CCNY: variants seen among roughly 807,000 people sequenced by gnomAD.
CCNY encodes the protein cyclin Y.
In CCNY, 19 loss-of-function variants were observed where a neutral mutation model predicts 42.8. The ratio of observed to expected loss-of-function variants is 0.44; its 90% CI spans 0.31 to 0.65. CCNY has a LOEUF of 0.65. Ranked by LOEUF, CCNY falls within the 30% of genes least tolerant of loss-of-function variation. CCNY has a pLI of 0.07. For missense variants in CCNY, 370 were observed against 437.3 expected, an observed-to-expected ratio of 0.85 and a Z score of 1.37; for synonymous variants, 165 against 162.7, an observed-to-expected ratio of 1.01 and a Z score of -0.11.
intron 1 of CCNY, among the ~76,000 whole-genome samples, chr10:35,370,056 C>A (rs944091342): frequency 6.6e-6 from 1 of 152,168 alleles, no homozygotes; most frequent in Admixed American, 6.5e-5. Context: ...TTCACAGTAA[C>A]CCCAGAGTTT....
intron 3 of CCNY, among the ~76,000 whole-genome samples, chr10:35,330,381 G>T (rs762879707): frequency 5.3e-5 from 8 of 152,160 alleles, no homozygotes; most frequent in Non-Finnish European, 1.2e-4. Flanking sequence ...GCTGCCTACT[G>T]TATCATTCCA....
intron 1 of CCNY, among the ~76,000 whole-genome samples, chr10:35,434,744 A>G (rs961396487): frequency 7.9e-5 from 12 of 152,126 alleles, no homozygotes; most frequent in Admixed American, 4.6e-4. Flanking sequence ...TGTTCATATC[A>G]CAGTTCTGAG....
At position 35,569,242 on chromosome 10, in the gene CCNY, T is replaced by A. The variant is rs1277585522; in HGVS notation, c.*72T>A. ...AGTTTGAGAAAAGACAGACTTGGGG[T>A]GGGTTTGTTTTTGTTTTTTCTTTCC... On this transcript the variant is annotated 3_prime_UTR_variant, in exon 10 of 10. Transcript: ENST00000374704. 8.2e-6 allele frequency: 8 copies of A among 979,698 alleles called. No homozygotes were observed. The highest frequency in any genetic ancestry group is 1.1e-5 in the Non-Finnish European group (7 of 621,344). 60.7% of individuals were successfully genotyped at this position (979,698 alleles called of 1,614,324 possible). A position where few individuals can be genotyped will look rare whatever the true frequency, so the allele number is the denominator to read the frequency against.
chr10:35,421,405 C>T lies in CCNY; in HGVS notation c.155-61999C>T, dbSNP rs182236953. Among the ~76,000 whole-genome samples the T allele has an allele frequency of 4.6e-5, 7 of 152,292 alleles. No homozygotes were observed. The South Asian group carries it at 6.2e-4, about 14-fold the overall frequency. Reference sequence around the variant, plus strand: ...TCCAGTCTCCTGATGGTCAGCTTGACGCGGGTTCACTGGATCAGTGCCTTC... The same window carrying T: ...TCCAGTCTCCTGATGGTCAGCTTGATGCGGGTTCACTGGATCAGTGCCTTC... On this transcript the variant is annotated intron_variant, in intron 1 of 9. Coordinates refer to ENST00000374704, the MANE Select transcript of CCNY (RefSeq NM_145012.6).
chr10:35,463,006 G>A (rs895146851), intron 1 of CCNY, among the ~76,000 whole-genome samples: 1 of 152,250 alleles, frequency 6.6e-6, no homozygotes, highest in African/African-American at 2.4e-5. Flanking sequence ...GGTAAATGGA[G>A]GTTCTGTACA....
In CCNY at chr10:35,569,877, C is replaced by T. The variant is rs1841651866; in HGVS notation, c.*707C>T. 6.5e-6 allele frequency: 1 copy of T among 152,766 alleles called. No homozygotes were observed. Among genetic ancestry groups the T allele is most frequent in the Non-Finnish European group, 1.5e-5 (1 of 68,084 alleles). The allele number at this position is 152,766 out of a possible 1,614,324, so 9.5% of individuals were successfully genotyped here. ...CTGTAGTGCTGAACCAAAAGTATCC[C>T]TTTCCCTCCTTATTCCTCACCCCAA... On this transcript the variant is annotated 3_prime_UTR_variant, in exon 10 of 10. Coordinates refer to ENST00000374704, the MANE Select transcript of CCNY (RefSeq NM_145012.6).
chr10:35,488,480 G>A (rs911324939), intron 2 of CCNY, among the ~76,000 whole-genome samples: 4 of 152,126 alleles, frequency 2.6e-5, no homozygotes, highest in East Asian at 1.9e-4. Context: ...TGGCTCGTTC[G>A]TGTGTGCAGG....
chr10:35,487,431 G>A (rs527273859), intron 2 of CCNY, among the ~76,000 whole-genome samples: 18 of 152,220 alleles, frequency 1.2e-4, no homozygotes, highest in Middle Eastern at 6.8e-3. Flanking sequence ...TGACAGCTCC[G>A]TGTTTCTGCA....
intron 1 of CCNY, among the ~76,000 whole-genome samples, chr10:35,344,967 G>A (rs1413101040): frequency 6.6e-6 from 1 of 152,220 alleles, no homozygotes; most frequent in African/African-American, 2.4e-5. Flanking sequence ...TCTTAATGCA[G>A]TCTATCATTG....
chr10:35,381,008 G>A (rs1837171770), intron 1 of CCNY, among the ~76,000 whole-genome samples: 1 of 152,208 alleles, frequency 6.6e-6, no homozygotes, highest in Admixed American at 6.5e-5. Context: ...TCCCAAGGCT[G>A]GGGTGGTGGG....
At chr10:35,465,666 A>T (rs998469731) in intron 1 of CCNY, among the ~76,000 whole-genome samples, 7 of 152,082 alleles carry the variant, frequency 4.6e-5, no homozygotes, top group African/African-American at 1.7e-4. Flanking sequence ...GCAGTTCCCT[A>T]ATAAGCTTTT....
intron 1 of CCNY, among the ~76,000 whole-genome samples, chr10:35,435,704 G>A (rs529234569): frequency 6.6e-6 from 1 of 152,192 alleles, no homozygotes; most frequent in Non-Finnish European, 1.5e-5. Context: ...CTTGCGAGCT[G>A]TTGGTACAAT....
At chr10:35,484,381 G>A (rs10508818) in intron 2 of CCNY, among the ~76,000 whole-genome samples, 57,063 of 152,084 alleles carry the variant, frequency 0.38, 13,490 homozygotes, top group Non-Finnish European at 0.51. Flanking sequence ...GCAAGGTATA[G>A]TGCTGATTTA....
At chr10:35,335,643 A>C (rs903252372), upstream of CCNY, among the ~76,000 whole-genome samples, 2 of 152,108 alleles carry the variant, frequency 1.3e-5, no homozygotes, top group South Asian at 4.1e-4. Flanking sequence ...CCTTGAAGAC[A>C]GGAGTTCGAT....
At chr10:35,436,471 C>G (rs1371195942) in intron 1 of CCNY, among the ~76,000 whole-genome samples, 2 of 152,172 alleles carry the variant, frequency 1.3e-5, no homozygotes, top group African/African-American at 4.8e-5. Flanking sequence ...TGGAGGCTGA[C>G]AGTGTAGGAC....
In CCNY at chr10:35,336,676, G is replaced by A. The variant is rs1159968257; in HGVS notation, c.-378G>A. The stretch of plus-strand genomic sequence containing the variant: ...GGCCGCCGTCGCCGCAGCCGCCGGG[G>A]AAGCGGACACCAACTGGGGAAGCGC... On this transcript the variant is annotated 5_prime_UTR_variant, in exon 1 of 10. Transcript: ENST00000374704. Among the ~76,000 whole-genome samples the A allele has an allele frequency of 1.4e-5, 2 of 147,634 alleles. No homozygotes were observed. Among genetic ancestry groups the A allele is most frequent in the Non-Finnish European group, 3.0e-5 (2 of 66,162 alleles).
At chr10:35,263,961 C>G (rs1050713649) in intron 3 of CCNY, among the ~76,000 whole-genome samples, 21 of 152,182 alleles carry the variant, frequency 1.4e-4, no homozygotes, top group African/African-American at 4.8e-4. Context: ...CGTTAGTTTG[C>G]TGAGGAATGG....
chr10:35,565,794 C>T (rs778909818), intron 8 of CCNY, among the ~76,000 whole-genome samples: 8 of 152,168 alleles, frequency 5.3e-5, no homozygotes, highest in African/African-American at 1.2e-4. Flanking sequence ...CGCCCTGAAA[C>T]GCTTCCTGGT....
At chr10:35,368,910 G>A (rs1451154280) in intron 1 of CCNY, among the ~76,000 whole-genome samples, 1 of 152,172 alleles carries the variant, frequency 6.6e-6, no homozygotes, top group Non-Finnish European at 1.5e-5. Flanking sequence ...TAGTGAGCAG[G>A]GTCTCTGTAC....
Sources: allele counts gnomAD v4.1 joint callset (sites outside exome capture counted in the v4.1 genomes callset), GRCh38; gene constraint gnomAD v4.1.1; transcripts MANE v1.5; gene names NCBI Gene and HGNC (gene_info 2026-07-23, HGNC 2026-07-21).